The following RAB3C variants were observed in gnomAD, a reference collection of about 807,000 sequenced individuals.
RAB3C encodes ras-related protein Rab-3C.
Under a neutral mutation model 26.4 loss-of-function variants are expected in RAB3C, and 17 were observed. That is an observed-to-expected ratio of 0.64 (90% CI 0.44 to 0.97). The LOEUF is 0.97. RAB3C is among the 50% of genes least tolerant of loss of function. RAB3C has a pLI of 0.00. For synonymous variants in RAB3C, 91 were observed against 95.9 expected (o/e 0.95, Z 0.30); for missense variants, 242 against 281.9 (o/e 0.86, Z 1.01).
chr5:58,733,741 G>C (rs1480669978), intron 3 of RAB3C, among the ~76,000 whole-genome samples: 1 of 152,146 alleles, frequency 6.6e-6, no homozygotes, highest in Non-Finnish European at 1.5e-5. Context: ...TTCTCAAATG[G>C]GTTGTGACCA....
chr5:58,601,979 G>T (rs571035034), intron 1 of RAB3C, among the ~76,000 whole-genome samples: 1 of 151,976 alleles, frequency 6.6e-6, no homozygotes, highest in Non-Finnish European at 1.5e-5. Context: ...TCTGATGTGG[G>T]TGTTTAAGGC....
intron 3 of RAB3C, among the ~76,000 whole-genome samples, chr5:58,813,779 A>ATATTATCTAACTC (rs1554020436): frequency 1.4e-5 from 1 of 70,326 alleles, no homozygotes; most frequent in Non-Finnish European, 2.8e-5. Flanking sequence ...TATTCAGTGA[A>ATATTATCTAACTC]TGCACACATA....
chr5:58,855,566 T>C lies in RAB3C; in HGVS notation c.*4215T>C, dbSNP rs1486200325. On this transcript the variant is annotated 3_prime_UTR_variant, in exon 5 of 5. Transcript: ENST00000282878. ...GAAAATGCAACCTCTACAGCTCTGC[T>C]CAGCTCTGCCTGTGTGCATTGATTA... 3.3e-5 allele frequency: 5 copies of C among 152,200 alleles called. No homozygotes were observed. Among genetic ancestry groups the C allele is most frequent in the Non-Finnish European group, 5.9e-5 (4 of 68,044 alleles). 9.4% of individuals were successfully genotyped at this position (152,200 alleles called of 1,614,324 possible).
intron 3 of RAB3C, among the ~76,000 whole-genome samples, chr5:58,818,260 T>C (rs2548240): frequency 0.55 from 83,638 of 152,036 alleles, 23,486 homozygotes; most frequent in Middle Eastern, 0.71. Context: ...TGTAGAAATG[T>C]GGTTTGTTCA....
At chr5:58,836,567 T>C (rs190832860) in intron 4 of RAB3C, among the ~76,000 whole-genome samples, 173 of 152,324 alleles carry the variant, frequency 1.1e-3, no homozygotes, top group African/African-American at 3.9e-3. Flanking sequence ...TCTAGTATCT[T>C]CTGACTACTT....
chr5:58,682,312 T>G (rs1486314375), intron 2 of RAB3C, among the ~76,000 whole-genome samples: 2 of 152,216 alleles, frequency 1.3e-5, no homozygotes, highest in Non-Finnish European at 2.9e-5. Context: ...TCAAATAGCT[T>G]TTTTGTACGT....
chr5:58,835,061 G>A (rs1014813790), intron 4 of RAB3C, among the ~76,000 whole-genome samples: 2 of 152,120 alleles, frequency 1.3e-5, no homozygotes, highest in Non-Finnish European at 2.9e-5. Context: ...AAGTGACTCA[G>A]TTTGGAGAAC....
intron 3 of RAB3C, among the ~76,000 whole-genome samples, chr5:58,802,708 G>A (rs1178556851): frequency 6.6e-6 from 1 of 152,144 alleles, no homozygotes; most frequent in Non-Finnish European, 1.5e-5. Context: ...GGTATGTACT[G>A]AATTCACACA....
chr5:58,632,966 C>G (rs1232530548), intron 2 of RAB3C, among the ~76,000 whole-genome samples: 1 of 152,202 alleles, frequency 6.6e-6, no homozygotes, highest in Non-Finnish European at 1.5e-5. Flanking sequence ...AGTCTCTGAA[C>G]TGGACATGAA....
intron 2 of RAB3C, among the ~76,000 whole-genome samples, chr5:58,693,334 G>GTATATATATATATATATATATATATA (rs1478527340): frequency 6.0e-5 from 5 of 83,830 alleles, no homozygotes; most frequent in African/African-American, 2.3e-4. Context: ...ATATATATAT[G>GTATATATATATATATATATATATATA]TGTATATATA....
rs113325406 is a variant in RAB3C at position 58,620,483 on chromosome 5, G to A, written c.252+2613G>A. 6.6e-5 allele frequency among the ~76,000 whole-genome samples: 10 copies of A among 152,168 alleles called. 1 individual carries two copies. Among genetic ancestry groups the A allele is most frequent in the Middle Eastern group, 3.4e-3 (1 of 294 alleles). On this transcript the variant is annotated intron_variant, in intron 2 of 4. Coordinates refer to ENST00000282878, the MANE Select transcript of RAB3C (RefSeq NM_138453.4). The stretch of plus-strand genomic sequence containing the variant: ...TAGTTAGAAAAGGAAATTAACACTC[G>A]TTGGATAATTATGTACTTCTATAAG...
intron 4 of RAB3C, 50 bp downstream of exon 4, chr5:58,825,212 T>C (rs1343771521): frequency 1.3e-6 from 2 of 1,562,154 alleles, no homozygotes; most frequent in Middle Eastern, 1.7e-4. Flanking sequence ...GCTTATTATA[T>C]GTAACTCTGT....
intron 3 of RAB3C, among the ~76,000 whole-genome samples, chr5:58,788,534 T>C (rs78931074): frequency 0.046 from 6,938 of 152,316 alleles, 217 homozygotes; most frequent in African/African-American, 0.08. Flanking sequence ...GTGTGTATAA[T>C]TTCCTGTTCA....
At chr5:58,675,608 C>T (rs1050872261) in intron 2 of RAB3C, among the ~76,000 whole-genome samples, 10 of 146,676 alleles carry the variant, frequency 6.8e-5, no homozygotes, top group African/African-American at 2.6e-4. Flanking sequence ...AACCAGAGGC[C>T]ATTTGTCTTT....
chr5:58,824,203 TATAGCAGCATG>T (rs1743420952), intron 3 of RAB3C, among the ~76,000 whole-genome samples: 1 of 152,092 alleles, frequency 6.6e-6, no homozygotes, highest in South Asian at 2.1e-4. Flanking sequence ...CGTGTGTCTT[TATAGCAGCATG>T]ATTTATAGTC....
At chr5:58,742,461 A>G (rs1741296331) in intron 3 of RAB3C, among the ~76,000 whole-genome samples, 1 of 152,182 alleles carries the variant, frequency 6.6e-6, no homozygotes, top group African/African-American at 2.4e-5. Flanking sequence ...TGAATTTCAC[A>G]GTATTTGATC....
chr5:58,813,576 T>C (rs1284603543), intron 3 of RAB3C, among the ~76,000 whole-genome samples: 1 of 95,838 alleles, frequency 1.0e-5, no homozygotes, highest in Non-Finnish European at 2.4e-5. Context: ...TTGTTATGGT[T>C]AATTTATATT....
At chr5:58,746,134 T>C (rs1361185523) in intron 3 of RAB3C, among the ~76,000 whole-genome samples, 1 of 152,230 alleles carries the variant, frequency 6.6e-6, no homozygotes, top group Non-Finnish European at 1.5e-5. Context: ...AAAGGAGTTT[T>C]ATATCCTCAA....
intron 4 of RAB3C, among the ~76,000 whole-genome samples, chr5:58,828,055 T>C (rs1400220): frequency 0.55 from 83,609 of 152,032 alleles, 23,464 homozygotes; most frequent in Middle Eastern, 0.71. Flanking sequence ...GTACAACATT[T>C]GCTCATCCTA....
Sources: allele counts gnomAD v4.1 joint callset (sites outside exome capture counted in the v4.1 genomes callset), GRCh38; gene constraint gnomAD v4.1.1; transcripts MANE v1.5; gene names NCBI Gene and HGNC (gene_info 2026-07-23, HGNC 2026-07-21).